The following LPXN variants were observed in gnomAD, a reference collection of about 807,000 sequenced individuals.
LPXN encodes the protein leupaxin.
LPXN carries 28 observed loss-of-function variants against 45.6 expected under a neutral mutation model. The ratio of observed to expected loss-of-function variants is 0.61; its 90% CI spans 0.45 to 0.84. LPXN has a LOEUF of 0.84. Among genes scored for constraint, LPXN ranks in the 40% least tolerant of loss-of-function variants. The pLI, the probability that LPXN is intolerant of heterozygous loss-of-function variation, is 0.00. For missense variants in LPXN, 459 were observed against 475.0 expected, an observed-to-expected ratio of 0.97 and a Z score of 0.31; for synonymous variants, 166 against 169.9, an observed-to-expected ratio of 0.98 and a Z score of 0.18.
chr11:58,555,743 C>T (rs1226467345), intron 3 of LPXN, among the ~76,000 whole-genome samples: 1 of 120,624 alleles, frequency 8.3e-6, no homozygotes, highest in Non-Finnish European at 1.8e-5. Context: ...AATGAAAACA[C>T]ACACACACAC....
intron 5 of LPXN, 68 bp downstream of exon 5, chr11:58,550,997 A>C: frequency 7.2e-7 from 1 of 1,390,542 alleles, no homozygotes; most frequent in Non-Finnish European, 9.5e-7. Context: ...ATAAGGGGAA[A>C]GAGCAAACCT....
intron 3 of LPXN, among the ~76,000 whole-genome samples, chr11:58,561,134 T>TTCTC (rs140759936): frequency 2.0e-5 from 3 of 150,750 alleles, no homozygotes; most frequent in Non-Finnish European, 4.4e-5. Context: ...CTCAAGCCTT[T>TTCTC]TCTCTCTCTC....
intron 2 of LPXN, among the ~76,000 whole-genome samples, chr11:58,567,540 G>T (rs1409925478): frequency 6.6e-6 from 1 of 152,182 alleles, no homozygotes; most frequent in Non-Finnish European, 1.5e-5. Context: ...ATTAATTTAT[G>T]AGTTATTTGA....
Position 58,575,819 on chromosome 11 carries a change from C to CT in LPXN, c.-48dup, listed in dbSNP as rs1254892000. Reference sequence around the variant, plus strand: ...TTGTCTCACAGGCCGTGAGGAACAGCTTTGGCATGTGCTGAAGAAGAGGAC... The same window carrying CT: ...TTGTCTCACAGGCCGTGAGGAACAGCTTTTGGCATGTGCTGAAGAAGAGGAC... On this transcript the variant is annotated 5_prime_UTR_variant, in exon 1 of 9. The change creates a premature stop within an existing upstream ORF in the 5' untranslated region. Transcript: ENST00000395074. 3.7e-6 allele frequency: 6 copies of CT among 1,614,148 alleles called. No individual in the cohort carries two copies. Among genetic ancestry groups the CT allele is most frequent in the Non-Finnish European group, 5.1e-6 (6 of 1,180,010 alleles).
At chr11:58,563,882 T>C (rs1166718304) in intron 3 of LPXN, among the ~76,000 whole-genome samples, 1 of 152,304 alleles carries the variant, frequency 6.6e-6, no homozygotes, top group Non-Finnish European at 1.5e-5. Flanking sequence ...AAAACATCTG[T>C]GGTAACTCTG....
Position 58,527,228 on chromosome 11 carries a change from G to A in LPXN, c.*226C>T. ...ATCTAACTCCAAGTGCTTGATTGGA[G>A]AAGAGAGGGAGAAAGAGAATTTATA... On this transcript the variant is annotated 3_prime_UTR_variant, in exon 9 of 9. Transcript: ENST00000395074. 1 of 503,736 alleles carries A rather than the reference G, an allele frequency of 2.0e-6. No individual in the cohort carries two copies. Among genetic ancestry groups the A allele is most frequent in the South Asian group, 2.5e-5 (1 of 40,108 alleles). 31.2% of individuals were successfully genotyped at this position (503,736 alleles called of 1,614,324 possible).
At chr11:58,527,977 C>T (rs943485026) in intron 8 of LPXN, 66 bp downstream of exon 8, 2 of 1,539,726 alleles carry the variant, frequency 1.3e-6, no homozygotes, top group African/African-American at 1.4e-5. Flanking sequence ...CTAACTGCAG[C>T]TCTTCCTCTC....
intron 3 of LPXN, among the ~76,000 whole-genome samples, chr11:58,560,706 A>G (rs1854348116): frequency 6.6e-6 from 1 of 152,164 alleles, no homozygotes; most frequent in Admixed American, 6.5e-5. Flanking sequence ...CTCCAAATGA[A>G]AAACTGGGGC....
intron 7 of LPXN, among the ~76,000 whole-genome samples, chr11:58,534,284 C>T (rs963618157): frequency 6.6e-5 from 10 of 152,296 alleles, no homozygotes; most frequent in South Asian, 2.1e-4. Flanking sequence ...GTAAAACACG[C>T]CTCAGCAAAT....
intron 7 of LPXN, among the ~76,000 whole-genome samples, chr11:58,535,039 C>G (rs1853506791): frequency 6.6e-6 from 1 of 152,048 alleles, no homozygotes; most frequent in African/African-American, 2.4e-5. Flanking sequence ...AGCCTACCGA[C>G]CAAAAAAAAG....
At chr11:58,571,842 A>G (rs1197529212) in intron 1 of LPXN, among the ~76,000 whole-genome samples, 3 of 152,202 alleles carry the variant, frequency 2.0e-5, no homozygotes, top group Non-Finnish European at 4.4e-5. Flanking sequence ...AGATCACAAG[A>G]AAGAGACAAA....
In LPXN at chr11:58,550,070, C is replaced by G; in HGVS notation, c.563G>C (p.Ser188Thr). Residue 188 changes from serine to threonine, a missense_variant, in exon 6 of 9, where the codon AGT (serine) becomes ACT (threonine). By Grantham distance (58) the Ser-to-Thr change is moderately conservative. Transcript: ENST00000395074. Reference protein sequence around the residue: ...CTHCKEEIGSSPFFERSGLAY... With the variant: ...CTHCKEEIGSTPFFERSGLAY... ...CAAGCCACTCCGCTCAAAGAAGGGACTGGAGCCAATCTCTTCTTTGCAATG... is the reference window on the plus strand; with the variant it reads ...CAAGCCACTCCGCTCAAAGAAGGGAGTGGAGCCAATCTCTTCTTTGCAATG... The G allele has an allele frequency of 6.2e-7, 1 of 1,614,192 alleles. No individual in the cohort carries two copies. The highest frequency in any genetic ancestry group is 8.5e-7 in the Non-Finnish European group (1 of 1,180,018).
chr11:58,566,291 T>C (rs1854526126), intron 2 of LPXN, among the ~76,000 whole-genome samples: 1 of 152,220 alleles, frequency 6.6e-6, no homozygotes, highest in South Asian at 2.1e-4. Flanking sequence ...CCTCTCTAGA[T>C]ACTGATGAAC....
intron 7 of LPXN, among the ~76,000 whole-genome samples, chr11:58,538,864 T>G (rs753257574): frequency 5.9e-5 from 9 of 152,084 alleles, no homozygotes; most frequent in Non-Finnish European, 1.2e-4. Flanking sequence ...AAGCAAATAA[T>G]TATATTAATG....
upstream of LPXN, chr11:58,577,904 A>T: frequency 8.3e-7 from 1 of 1,207,300 alleles, no homozygotes. Flanking sequence ...CACAGATTTG[A>T]TTAAGAGCCA....
rs184694658 is a variant in LPXN, at chr11:58,541,741, G to A, written c.742+8045C>T. Among the ~76,000 whole-genome samples, 136 of 150,924 alleles carry A rather than the reference G, an allele frequency of 9.0e-4. 1 individual carries two copies. The East Asian group carries it at 0.025, about 27-fold the overall frequency. The stretch of plus-strand genomic sequence containing the variant: ...TGCTGCTATAAAGACACATGCACAC[G>A]TATGTTTATTCTGGCATTATTCACA... On this transcript the variant is annotated intron_variant, in intron 7 of 8. Coordinates refer to ENST00000395074, the MANE Select transcript of LPXN (RefSeq NM_004811.3).
Position 58,527,592 on chromosome 11 carries a change from G to A in LPXN, c.1023C>T (p.Ile341=), listed in dbSNP as rs755869093. 1 of 1,614,206 alleles carries A rather than the reference G, an allele frequency of 6.2e-7. No homozygotes were observed. The highest frequency in any genetic ancestry group is 8.5e-7 in the Non-Finnish European group (1 of 1,180,034). ...GATGGAACTTGTACCCCATGGCACTGATACAACGGCCAGTGATGGGCTGCC... is the reference window on the plus strand; with the variant it reads ...GATGGAACTTGTACCCCATGGCACTAATACAACGGCCAGTGATGGGCTGCC... ...GCGQPITGRC[I]SAMGYKFHPE... Residue 341 remains isoleucine, a synonymous_variant, in exon 9 of 9, where the codon ATC becomes ATT. Coordinates refer to ENST00000395074, the MANE Select transcript of LPXN (RefSeq NM_004811.3).
chr11:58,527,347 C>T lies in LPXN; in HGVS notation c.*107G>A. The T allele has an allele frequency of 8.6e-7, 1 of 1,166,416 alleles. No homozygotes were observed. Among genetic ancestry groups the T allele is most frequent in the Non-Finnish European group, 1.2e-6 (1 of 812,826 alleles). The allele number at this position is 1,166,416 out of a possible 1,614,324, so 72.3% of individuals were successfully genotyped here. ...TATTTGCTCATCACCTTTCCTTTTT[C>T]TATAAGACTATTAAGCAGAAGGTCA... On this transcript the variant is annotated 3_prime_UTR_variant, in exon 9 of 9. Coordinates refer to ENST00000395074, the MANE Select transcript of LPXN (RefSeq NM_004811.3).
chr11:58,532,372 C>A (rs1412237940), intron 7 of LPXN, among the ~76,000 whole-genome samples: 1 of 152,264 alleles, frequency 6.6e-6, no homozygotes, highest in Non-Finnish European at 1.5e-5. Flanking sequence ...GCAGCCCTGG[C>A]ATGGGATCCA....
Sources: gnomAD v4.1 joint callset for allele counts (sites outside exome capture counted in the v4.1 genomes callset) on GRCh38, gnomAD v4.1.1 for gene constraint, MANE v1.5 for transcripts, NCBI Gene and HGNC (gene_info 2026-07-23, HGNC 2026-07-21) for gene names.